The following SORCS1 variants were observed in gnomAD, a reference collection of about 807,000 sequenced individuals.
The protein encoded by SORCS1 is VPS10 domain-containing receptor SorCS1.
A neutral mutation model predicts 146.1 loss-of-function variants in SORCS1; 60 were observed. That is an observed-to-expected ratio of 0.41 (90% CI 0.33 to 0.51). SORCS1 has a LOEUF of 0.51. Among genes scored for constraint, SORCS1 ranks in the 20% least tolerant of loss-of-function variants. The probability of loss-of-function intolerance (pLI) is 0.21; values close to 1 mark genes in which losing one functional copy is unlikely to be tolerated. For missense variants in SORCS1, 1,352 were observed against 1,487.6 expected, an observed-to-expected ratio of 0.91 and a Z score of 1.50; for synonymous variants, 637 against 584.0, an observed-to-expected ratio of 1.09 and a Z score of -1.31.
At chr10:107,119,458 T>C (rs1966254362) in intron 1 of SORCS1, among the ~76,000 whole-genome samples, 1 of 152,216 alleles carries the variant, frequency 6.6e-6, no homozygotes, top group Non-Finnish European at 1.5e-5. Flanking sequence ...AATACAAACA[T>C]GGGATTTGTA....
Position 107,031,599 on chromosome 10 carries a change from CTCTT to C in SORCS1, c.559-75023_559-75020del, listed in dbSNP as rs539463155. 1.4e-3 allele frequency among the ~76,000 whole-genome samples: 212 copies of C among 149,184 alleles called. 1 individual carries two copies. Among genetic ancestry groups the C allele is most frequent in the African/African-American group, 5.2e-3 (203 of 38,886 alleles). ...TGTGAATGACAACCAATTTGTATCT[CTCTT>C]TTTTTTTTTTGGTGGGGGGGAATAG... On this transcript the variant is annotated intron_variant, in intron 1 of 25. Coordinates refer to ENST00000263054, the MANE Select transcript of SORCS1 (RefSeq NM_052918.5).
intron 1 of SORCS1, among the ~76,000 whole-genome samples, chr10:106,993,165 G>C (rs1055967084): frequency 1.3e-5 from 2 of 152,092 alleles, no homozygotes; most frequent in African/African-American, 4.8e-5. Flanking sequence ...TTTCATGTCA[G>C]GTTTAGATAC....
intron 6 of SORCS1, among the ~76,000 whole-genome samples, chr10:106,716,385 T>A (rs1315778027): frequency 6.6e-6 from 1 of 152,184 alleles, no homozygotes; most frequent in Non-Finnish European, 1.5e-5. Context: ...CTTTACATAA[T>A]GAGAGTTATT....
At chr10:107,177,557 T>C in the SORCS1 span, among the ~76,000 whole-genome samples, 1 of 152,208 alleles carries the variant, frequency 6.6e-6, no homozygotes, top group Non-Finnish European at 1.5e-5. Flanking sequence ...TAGTTAAAAA[T>C]AATGTACAGT....
the SORCS1 span, among the ~76,000 whole-genome samples, chr10:107,179,036 C>G: frequency 3.9e-5 from 6 of 152,126 alleles, no homozygotes; most frequent in Non-Finnish European, 7.4e-5. Context: ...TGCAAAGTCT[C>G]TATATTGTTA....
At chr10:106,704,606 C>T (rs1322486671) in intron 8 of SORCS1, among the ~76,000 whole-genome samples, 1 of 152,190 alleles carries the variant, frequency 6.6e-6, no homozygotes, top group African/African-American at 2.4e-5. Context: ...AGGAGAATCG[C>T]TTGAACCCGG....
At chr10:107,135,193 A>T (rs1967181528) in intron 1 of SORCS1, among the ~76,000 whole-genome samples, 1 of 152,228 alleles carries the variant, frequency 6.6e-6, no homozygotes, top group Non-Finnish European at 1.5e-5. Context: ...TAATGATTTT[A>T]TGTCCTTTCT....
At chr10:106,609,279 T>C (rs1177615637) in intron 22 of SORCS1, among the ~76,000 whole-genome samples, 1 of 152,218 alleles carries the variant, frequency 6.6e-6, no homozygotes, top group Non-Finnish European at 1.5e-5. Context: ...AACTCAGAGA[T>C]TGTGCCTGAA....
At chr10:106,844,139 G>T (rs1466111875) in intron 2 of SORCS1, among the ~76,000 whole-genome samples, 1 of 152,182 alleles carries the variant, frequency 6.6e-6, no homozygotes, top group African/African-American at 2.4e-5. Context: ...TGATATTAGT[G>T]ATGTTGAACA....
At chr10:107,144,359 A>G (rs1968116063) in intron 1 of SORCS1, among the ~76,000 whole-genome samples, 1 of 152,222 alleles carries the variant, frequency 6.6e-6, no homozygotes, top group South Asian at 2.1e-4. Context: ...AGGGTTAATA[A>G]TACTAAAACA....
At chr10:107,161,398 C>T (rs1317532516) in intron 1 of SORCS1, among the ~76,000 whole-genome samples, 1 of 152,128 alleles carries the variant, frequency 6.6e-6, no homozygotes, top group Non-Finnish European at 1.5e-5. Context: ...GTCCCCCATG[C>T]CCCTCCACCA....
intron 24 of SORCS1, among the ~76,000 whole-genome samples, chr10:106,582,888 C>T (rs373769241): frequency 1.2e-4 from 18 of 152,270 alleles, no homozygotes; most frequent in African/African-American, 4.3e-4. Context: ...ATAATAACAA[C>T]AATCTTCTTG....
intron 5 of SORCS1, among the ~76,000 whole-genome samples, chr10:106,757,777 G>A (rs1386923979): frequency 9.9e-5 from 15 of 152,196 alleles, no homozygotes; most frequent in South Asian, 6.2e-4. Context: ...AAGGCTAAGA[G>A]GCAGAGACAA....
chr10:106,722,036 C>T (rs1048392144), intron 6 of SORCS1, among the ~76,000 whole-genome samples: 16 of 150,832 alleles, frequency 1.1e-4, no homozygotes, highest in Admixed American at 6.0e-4. Flanking sequence ...CAAGAACATG[C>T]GTGTAAGTAT....
At chr10:107,038,741 A>T (rs1317269825) in intron 1 of SORCS1, among the ~76,000 whole-genome samples, 4 of 152,080 alleles carry the variant, frequency 2.6e-5, no homozygotes, top group Non-Finnish European at 5.9e-5. Context: ...GATAATGCAC[A>T]TTTAATATTC....
chr10:107,056,971 C>T (rs1960701435), intron 1 of SORCS1, among the ~76,000 whole-genome samples: 1 of 152,242 alleles, frequency 6.6e-6, no homozygotes. Context: ...GCTTTCTTGT[C>T]ACCGTGTGCA....
At chr10:107,159,321 C>T (rs1969533414) in intron 1 of SORCS1, among the ~76,000 whole-genome samples, 1 of 152,152 alleles carries the variant, frequency 6.6e-6, no homozygotes, top group South Asian at 2.1e-4. Flanking sequence ...TCTGTATGAA[C>T]AAAGTATTAA....
At chr10:106,954,274 A>C (rs926990609) in intron 2 of SORCS1, among the ~76,000 whole-genome samples, 1 of 152,216 alleles carries the variant, frequency 6.6e-6, no homozygotes, top group Admixed American at 6.5e-5. Context: ...AATGCACTGC[A>C]GAAAAAAATG....
intron 1 of SORCS1, among the ~76,000 whole-genome samples, chr10:106,958,570 A>G (rs933099653): frequency 6.6e-6 from 1 of 152,184 alleles, no homozygotes; most frequent in Non-Finnish European, 1.5e-5. Context: ...AGGAAAAAAA[A>G]ATTACAGTAA....
Sources: allele counts gnomAD v4.1 joint callset (sites outside exome capture counted in the v4.1 genomes callset), GRCh38; gene constraint gnomAD v4.1.1; transcripts MANE v1.5; gene names NCBI Gene and HGNC (gene_info 2026-07-23, HGNC 2026-07-21).